The following EXT1 variants were observed in gnomAD, a reference collection of about 807,000 sequenced individuals.
The protein encoded by EXT1 is exostosin glycosyltransferase 1.
Under a neutral mutation model 82.5 loss-of-function variants are expected in EXT1, and 20 were observed. The observed-to-expected ratio is 0.24, with a 90% CI of 0.17 to 0.35. EXT1 has a LOEUF of 0.35. Ranked by LOEUF, EXT1 falls within the 10% of genes least tolerant of loss-of-function variation. The pLI is 1.00. For synonymous variants in EXT1, 348 were observed against 350.8 expected (o/e 0.99, Z 0.09); for missense variants, 757 against 936.5 (o/e 0.81, Z 2.50).
intron 1 of EXT1, among the ~76,000 whole-genome samples, chr8:117,879,398 T>C (rs1436716636): frequency 2.0e-5 from 3 of 151,970 alleles, no homozygotes; most frequent in Non-Finnish European, 2.9e-5. Context: ...TATGGTTAGA[T>C]GTCAAACAAT....
intron 1 of EXT1, among the ~76,000 whole-genome samples, chr8:117,974,830 A>G (rs1379332390): frequency 6.6e-6 from 1 of 152,164 alleles, no homozygotes; most frequent in African/African-American, 2.4e-5. Context: ...ATGATCTATG[A>G]GCCAGTTTAA....
chr8:118,103,461 C>T (rs558004919), intron 1 of EXT1, among the ~76,000 whole-genome samples: 19 of 152,272 alleles, frequency 1.2e-4, no homozygotes, highest in Non-Finnish European at 2.6e-4. Flanking sequence ...CTGTGTATAA[C>T]GCTTATAATT....
At chr8:117,803,918 A>T (rs1823202363) in intron 10 of EXT1, among the ~76,000 whole-genome samples, 3 of 152,200 alleles carry the variant, frequency 2.0e-5, no homozygotes, top group African/African-American at 7.2e-5. Flanking sequence ...TGTATTTTAA[A>T]TCCTGATTCT....
intron 1 of EXT1, among the ~76,000 whole-genome samples, chr8:118,068,664 C>T (rs1003332455): frequency 6.6e-6 from 1 of 152,120 alleles, no homozygotes; most frequent in African/African-American, 2.4e-5. Context: ...GAAAAACTTG[C>T]CTAACACCTA....
intron 3 of EXT1, among the ~76,000 whole-genome samples, chr8:117,835,214 AT>A (rs1812169658): frequency 1.3e-5 from 2 of 152,184 alleles, no homozygotes; most frequent in Admixed American, 1.3e-4. Flanking sequence ...CAAAGCTCCC[AT>A]TCTTTACCTG....
chr8:117,983,694 C>A (rs1242766850), intron 1 of EXT1, among the ~76,000 whole-genome samples: 4 of 152,240 alleles, frequency 2.6e-5, no homozygotes, highest in Admixed American at 6.5e-5. Context: ...TTAATAGAAT[C>A]TTTTAGGGGA....
chr8:117,850,344 G>A (rs982902907), intron 1 of EXT1, among the ~76,000 whole-genome samples: 1 of 152,164 alleles, frequency 6.6e-6, no homozygotes, highest in African/African-American at 2.4e-5. Context: ...GAAGGATGCT[G>A]GTATCACAAA....
chr8:118,091,690 A>G (rs527268551), intron 1 of EXT1, among the ~76,000 whole-genome samples: 1 of 152,310 alleles, frequency 6.6e-6, no homozygotes, highest in South Asian at 2.1e-4. Context: ...GCTTGCAATG[A>G]GCCAAGATCG....
chr8:118,092,677 G>A (rs907900226), intron 1 of EXT1, among the ~76,000 whole-genome samples: 3 of 152,164 alleles, frequency 2.0e-5, no homozygotes, highest in Non-Finnish European at 4.4e-5. Flanking sequence ...AAGTCCCTCC[G>A]CACGTGTTGG....
rs545460148 is a variant in EXT1 at position 117,803,193 on chromosome 8, T to C, written c.2055+1529A>G. Among the ~76,000 whole-genome samples, 3 of 152,246 alleles carry C rather than the reference T, an allele frequency of 2.0e-5. No homozygotes were observed. In the South Asian group the frequency reaches 6.2e-4, roughly 32 times the overall value. On this transcript the variant is annotated intron_variant, in intron 10 of 10. Coordinates refer to ENST00000378204, the MANE Select transcript of EXT1 (RefSeq NM_000127.3). ...TCTTTCTTAAGGTTTTTTGTTTCTT[T>C]TTTCTTTTTCTTTTTTTTTGAGACA...
At chr8:118,034,397 G>A (rs1326743610) in intron 1 of EXT1, among the ~76,000 whole-genome samples, 2 of 151,990 alleles carry the variant, frequency 1.3e-5, no homozygotes, top group East Asian at 3.9e-4. Flanking sequence ...TTAAGACAAC[G>A]TTTCTGCAAC....
intron 7 of EXT1, among the ~76,000 whole-genome samples, chr8:117,814,365 A>C (rs1811757596): frequency 6.6e-6 from 1 of 152,070 alleles, no homozygotes; most frequent in African/African-American, 2.4e-5. Flanking sequence ...TGTACCATAG[A>C]GGAACTAACC....
At chr8:118,038,292 A>G (rs890164442) in intron 1 of EXT1, among the ~76,000 whole-genome samples, 1 of 152,242 alleles carries the variant, frequency 6.6e-6, no homozygotes, top group Non-Finnish European at 1.5e-5. Flanking sequence ...TGACTAAAAT[A>G]ACAACTAACA....
At chr8:117,895,175 G>A (rs947543181) in intron 1 of EXT1, among the ~76,000 whole-genome samples, 1 of 152,096 alleles carries the variant, frequency 6.6e-6, no homozygotes, top group Non-Finnish European at 1.5e-5. Flanking sequence ...GATAACATCT[G>A]GCTTGCTTGG....
rs17431145 is a variant in EXT1 at position 117,984,368 on chromosome 8, G to A, written c.962+125717C>T. Among the ~76,000 whole-genome samples, 930 of 151,106 alleles carry A rather than the reference G, an allele frequency of 6.2e-3. 11 individuals carry two copies. The highest frequency in any genetic ancestry group is 0.017 in the Middle Eastern group (5 of 292). ...TGGGGTGCAGGGTGAGGTGGAGGCT[G>A]AAGTGAGCCGCAATCATGCCACTGC... On this transcript the variant is annotated intron_variant, in intron 1 of 10. Transcript: ENST00000378204.
intron 1 of EXT1, among the ~76,000 whole-genome samples, chr8:118,026,435 A>G (rs1816204382): frequency 6.6e-6 from 1 of 152,164 alleles, no homozygotes; most frequent in African/African-American, 2.4e-5. Flanking sequence ...TTTTAATGCA[A>G]TTAAACATAA....
chr8:118,030,775 C>T (rs1645875932), intron 1 of EXT1, among the ~76,000 whole-genome samples: 1 of 152,158 alleles, frequency 6.6e-6, no homozygotes, highest in African/African-American at 2.4e-5. Context: ...AACCACCGTG[C>T]CTGGCCAGTT....
intron 1 of EXT1, among the ~76,000 whole-genome samples, chr8:118,065,116 G>A (rs1461927788): frequency 3.3e-5 from 5 of 152,076 alleles, no homozygotes; most frequent in Non-Finnish European, 7.3e-5. Context: ...GCCTCCCAAA[G>A]TGCTGGGATT....
intron 1 of EXT1, among the ~76,000 whole-genome samples, chr8:117,850,236 AAGTG>A: frequency 6.6e-6 from 1 of 152,314 alleles, no homozygotes; most frequent in South Asian, 2.1e-4. Context: ...TCAAAACACA[AAGTG>A]AGTAACTTCC....
Sources: gnomAD v4.1 joint callset for allele counts (sites outside exome capture counted in the v4.1 genomes callset) on GRCh38, gnomAD v4.1.1 for gene constraint, MANE v1.5 for transcripts, NCBI Gene and HGNC (gene_info 2026-07-23, HGNC 2026-07-21) for gene names.